ZNRF2: variants seen among roughly 807,000 people sequenced by gnomAD.
ZNRF2 encodes the protein zinc and ring finger 2.
ZNRF2 carries 16 observed loss-of-function variants against 20.4 expected under a neutral mutation model. The observed-to-expected ratio is 0.79, with a 90% CI of 0.53 to 1.19. The LOEUF is 1.19. Among genes scored for constraint, ZNRF2 ranks in the 50% most tolerant of loss-of-function variants. ZNRF2 has a pLI of 0.00. For synonymous variants in ZNRF2, 178 were observed against 144.9 expected (o/e 1.23, Z -1.64); for missense variants, 363 against 332.4 (o/e 1.09, Z -0.72).
At chr7:30,346,169 G>GTTT (rs1799874790) in intron 2 of ZNRF2, among the ~76,000 whole-genome samples, 2 of 29,642 alleles carry the variant, frequency 6.7e-5, no homozygotes, top group Non-Finnish European at 1.6e-4. Context: ...TGTTAAGTCT[G>GTTT]ATTTTTTTTT....
intron 3 of ZNRF2, among the ~76,000 whole-genome samples, chr7:30,357,210 A>G (rs1334891483): frequency 6.6e-6 from 1 of 152,228 alleles, no homozygotes; most frequent in African/African-American, 2.4e-5. Flanking sequence ...TAGAGAATAC[A>G]TATTTTTCAA....
chr7:30,316,140 T>G (rs889012759), intron 1 of ZNRF2, among the ~76,000 whole-genome samples: 3 of 151,352 alleles, frequency 2.0e-5, no homozygotes, highest in Non-Finnish European at 4.4e-5. Flanking sequence ...AATACAAAAT[T>G]AGCTGGGCTT....
chr7:30,307,018 T>A (rs917842647), intron 1 of ZNRF2, among the ~76,000 whole-genome samples: 1 of 152,140 alleles, frequency 6.6e-6, no homozygotes, highest in Non-Finnish European at 1.5e-5. Context: ...CTCTGCTACC[T>A]CTATCCCTTC....
chr7:30,328,470 A>G (rs1799586165), intron 2 of ZNRF2, among the ~76,000 whole-genome samples: 1 of 152,196 alleles, frequency 6.6e-6, no homozygotes, highest in Non-Finnish European at 1.5e-5. Context: ...TTTGAAATTT[A>G]TTTGTTAAGT....
intron 2 of ZNRF2, among the ~76,000 whole-genome samples, chr7:30,340,781 T>A (rs1434189722): frequency 6.6e-6 from 1 of 152,142 alleles, no homozygotes; most frequent in Non-Finnish European, 1.5e-5. Flanking sequence ...GGAGTCTCTC[T>A]TTTTCTATTG....
At chr7:30,289,115 GAC>G (rs1442429166) in intron 1 of ZNRF2, 2 of 152,182 alleles carry the variant, frequency 1.3e-5, no homozygotes, top group Non-Finnish European at 2.9e-5. Context: ...CTTAATCTAA[GAC>G]AACCAGTGGT....
intron 2 of ZNRF2, among the ~76,000 whole-genome samples, chr7:30,332,472 A>T: frequency 6.6e-6 from 1 of 152,156 alleles, no homozygotes; most frequent in Non-Finnish European, 1.5e-5. Context: ...CCCATTCCCC[A>T]AGTAGCAAAC....
intron 1 of ZNRF2, among the ~76,000 whole-genome samples, chr7:30,295,040 AGAGAGAGAGAGTGTGT>A (rs1798989843): frequency 2.6e-5 from 3 of 115,028 alleles, no homozygotes; most frequent in East Asian, 2.7e-4. Flanking sequence ...AGAGAGAGAG[AGAGAGAGAGAGTGTGT>A]GTGTGTGTGT....
At chr7:30,296,648 T>C (rs570756818) in intron 1 of ZNRF2, among the ~76,000 whole-genome samples, 22 of 152,226 alleles carry the variant, frequency 1.4e-4, no homozygotes, top group Non-Finnish European at 2.2e-4. Context: ...GCATATCTGG[T>C]CACCTTGAAA....
Position 30,351,845 on chromosome 7 carries a change from G to A in ZNRF2, c.566-3883G>A, listed in dbSNP as rs73687812. ...TAATCCTTTTAAAATATAGAATGAAGCCAAAACATAAATTAATTAGACAGT... is the reference window on the plus strand; with the variant it reads ...TAATCCTTTTAAAATATAGAATGAAACCAAAACATAAATTAATTAGACAGT... On this transcript the variant is annotated intron_variant, in intron 2 of 4. Transcript: ENST00000323037. Among the ~76,000 whole-genome samples, 1,494 of 152,060 alleles carry A rather than the reference G, an allele frequency of 9.8e-3. 20 individuals carry two copies. The highest frequency in any genetic ancestry group is 0.033 in the African/African-American group (1,369 of 41,504).
At chr7:30,347,471 A>G (rs1012331753) in intron 2 of ZNRF2, among the ~76,000 whole-genome samples, 2 of 152,104 alleles carry the variant, frequency 1.3e-5, no homozygotes, top group Admixed American at 1.3e-4. Context: ...CAGTTTAAGG[A>G]TTAGAGGACA....
chr7:30,314,869 T>G (rs1583576918), intron 1 of ZNRF2, among the ~76,000 whole-genome samples: 1 of 151,544 alleles, frequency 6.6e-6, no homozygotes, highest in African/African-American at 2.4e-5. Context: ...CAGGCTGGAG[T>G]GCAGTGACAC....
intron 2 of ZNRF2, among the ~76,000 whole-genome samples, chr7:30,342,592 T>C (rs1799813233): frequency 6.6e-6 from 1 of 152,178 alleles, no homozygotes; most frequent in African/African-American, 2.4e-5. Context: ...GAGAGATCCA[T>C]TGTTAGTCTA....
At chr7:30,329,744 G>A (rs561496430) in intron 2 of ZNRF2, among the ~76,000 whole-genome samples, 2 of 152,132 alleles carry the variant, frequency 1.3e-5, no homozygotes, top group African/African-American at 2.4e-5. Flanking sequence ...CTTGGTTATC[G>A]TGAATAGTGC....
intron 2 of ZNRF2, among the ~76,000 whole-genome samples, chr7:30,344,130 G>A (rs1405807933): frequency 1.3e-5 from 2 of 151,454 alleles, no homozygotes; most frequent in East Asian, 1.9e-4. Flanking sequence ...GCATGTTGGC[G>A]AGGCTGGTCT....
intron 2 of ZNRF2, among the ~76,000 whole-genome samples, chr7:30,329,595 A>G (rs1799605725): frequency 6.6e-6 from 1 of 152,144 alleles, no homozygotes; most frequent in South Asian, 2.1e-4. Flanking sequence ...ACTTAACATA[A>G]TGTCCTCCAG....
chr7:30,356,609 T>C (rs1416987514), intron 3 of ZNRF2, among the ~76,000 whole-genome samples: 1 of 150,848 alleles, frequency 6.6e-6, no homozygotes, highest in Non-Finnish European at 1.5e-5. Flanking sequence ...ACTACAAAGC[T>C]AAACTAGTAT....
intron 1 of ZNRF2, among the ~76,000 whole-genome samples, chr7:30,299,419 CAA>C (rs756818976): frequency 9.3e-5 from 11 of 117,796 alleles, no homozygotes; most frequent in Non-Finnish European, 1.5e-4. Context: ...AACTATGTCT[CAA>C]AAAAAAAAAA....
intron 1 of ZNRF2, among the ~76,000 whole-genome samples, chr7:30,295,340 G>A (rs1799001694): frequency 6.6e-6 from 1 of 152,124 alleles, no homozygotes; most frequent in African/African-American, 2.4e-5. Context: ...ATGGGGAAGA[G>A]TTTAAGTCTT....
Sources: allele counts gnomAD v4.1 joint callset (sites outside exome capture counted in the v4.1 genomes callset), GRCh38; gene constraint gnomAD v4.1.1; transcripts MANE v1.5; gene names NCBI Gene and HGNC (gene_info 2026-07-23, HGNC 2026-07-21).